BMP6: variants seen among roughly 807,000 people sequenced by gnomAD.
BMP6 encodes the protein bone morphogenetic protein 6.
BMP6 carries 17 observed loss-of-function variants against 54.1 expected under a neutral mutation model. The observed-to-expected ratio is 0.31, with a 90% confidence interval of 0.22 to 0.47. The LOEUF (loss-of-function observed/expected upper bound fraction) is 0.47, where lower values mean the gene tolerates loss of function less well. Among genes scored for constraint, BMP6 ranks in the 20% least tolerant of loss-of-function variants. The pLI is 1.00. For missense variants in BMP6, 720 were observed against 690.4 expected (o/e 1.04, Z -0.48); for synonymous variants, 328 against 291.2 (o/e 1.13, Z -1.28).
chr6:7,859,736 A>T (rs1321572431), intron 2 of BMP6, among the ~76,000 whole-genome samples: 2 of 152,114 alleles, frequency 1.3e-5, no homozygotes, highest in Admixed American at 1.3e-4. Flanking sequence ...GTAATTTGTC[A>T]ACAGGGGATG....
chr6:7,738,993 G>T (rs538486074), intron 1 of BMP6, among the ~76,000 whole-genome samples: 3 of 152,298 alleles, frequency 2.0e-5, no homozygotes, highest in Admixed American at 2.0e-4. Context: ...CTCATGGCTT[G>T]TTTTCTTGGA....
At chr6:7,813,666 A>AAC (rs1758476808) in intron 1 of BMP6, among the ~76,000 whole-genome samples, 1 of 109,960 alleles carries the variant, frequency 9.1e-6, no homozygotes, top group African/African-American at 3.3e-5. Context: ...AAAAAAAAAA[A>AAC]AAACCCACCA....
At chr6:7,847,362 T>C (rs1581275125) in intron 2 of BMP6, among the ~76,000 whole-genome samples, 1 of 152,168 alleles carries the variant, frequency 6.6e-6, no homozygotes, top group East Asian at 1.9e-4. Context: ...TCTTTTCTTA[T>C]CTGTGGGCCA....
intron 4 of BMP6, among the ~76,000 whole-genome samples, chr6:7,874,367 C>T (rs1159802635): frequency 2.6e-5 from 4 of 152,212 alleles, no homozygotes; most frequent in African/African-American, 7.2e-5. Flanking sequence ...TCCTCAGGGC[C>T]TTCACATTGT....
intron 1 of BMP6, among the ~76,000 whole-genome samples, chr6:7,767,890 G>A (rs1446581878): frequency 1.3e-5 from 2 of 152,170 alleles, no homozygotes; most frequent in Non-Finnish European, 2.9e-5. Flanking sequence ...GTAAGGTGTT[G>A]TGGAGGGGAA....
intron 1 of BMP6, among the ~76,000 whole-genome samples, chr6:7,837,434 T>A (rs1249416742): frequency 3.3e-5 from 5 of 152,176 alleles, no homozygotes; most frequent in Admixed American, 6.5e-5. Context: ...CAACCATAGA[T>A]AGAGCAGAGA....
intron 1 of BMP6, among the ~76,000 whole-genome samples, chr6:7,730,741 G>T (rs1761839875): frequency 6.6e-6 from 1 of 152,182 alleles, no homozygotes; most frequent in Non-Finnish European, 1.5e-5. Context: ...GGATACTAGA[G>T]AATTACAGAT....
chr6:7,826,290 C>G (rs1179460379), intron 1 of BMP6, among the ~76,000 whole-genome samples: 1 of 152,200 alleles, frequency 6.6e-6, no homozygotes, highest in African/African-American at 2.4e-5. Context: ...TTCACGTTCA[C>G]TTTCTCCTGT....
At chr6:7,870,789 C>T (rs769585246) in intron 4 of BMP6, among the ~76,000 whole-genome samples, 17 of 152,210 alleles carry the variant, frequency 1.1e-4, no homozygotes, top group Non-Finnish European at 1.9e-4. Flanking sequence ...CATCATGCCC[C>T]TCTAATTTTT....
At chr6:7,858,122 G>T (rs189641908) in intron 2 of BMP6, among the ~76,000 whole-genome samples, 5 of 152,090 alleles carry the variant, frequency 3.3e-5, no homozygotes, top group Non-Finnish European at 5.9e-5. Context: ...TCACTCTGTC[G>T]TCCAGGCTGG....
intron 1 of BMP6, among the ~76,000 whole-genome samples, chr6:7,807,165 AC>A: frequency 6.6e-6 from 1 of 152,320 alleles, no homozygotes; most frequent in South Asian, 2.1e-4. Flanking sequence ...ATGGTGCCCC[AC>A]AGGAATCTTA....
intron 1 of BMP6, among the ~76,000 whole-genome samples, chr6:7,747,012 C>T (rs1156479149): frequency 6.6e-6 from 1 of 152,206 alleles, no homozygotes; most frequent in African/African-American, 2.4e-5. Context: ...AAACCGGTGA[C>T]ACACTCTCCT....
chr6:7,853,530 A>T (rs984494210), intron 2 of BMP6, among the ~76,000 whole-genome samples: 1 of 152,210 alleles, frequency 6.6e-6, no homozygotes, highest in Non-Finnish European at 1.5e-5. Context: ...CCCTTTTTAG[A>T]TACCTGAGAC....
At chr6:7,798,770 A>G (rs1561775282) in intron 1 of BMP6, among the ~76,000 whole-genome samples, 3 of 152,224 alleles carry the variant, frequency 2.0e-5, no homozygotes, top group Admixed American at 2.0e-4. Flanking sequence ...CACATGTAGC[A>G]TAAGGAAAAT....
At chr6:7,871,419 G>A (rs913067520) in intron 4 of BMP6, among the ~76,000 whole-genome samples, 2 of 152,238 alleles carry the variant, frequency 1.3e-5, no homozygotes, top group Non-Finnish European at 2.9e-5. Context: ...GCAGGCCAGG[G>A]AGTTACCTTC....
intron 1 of BMP6, among the ~76,000 whole-genome samples, chr6:7,811,483 T>C (rs572027378): frequency 1.3e-5 from 2 of 152,280 alleles, no homozygotes; most frequent in East Asian, 3.9e-4. Context: ...GCTATGGGGT[T>C]GAGCCCCAGT....
At position 7,862,489 on chromosome 6, in the gene BMP6, A is replaced by G. The variant is rs2113278213; in HGVS notation, c.1195A>G (p.Ser399Gly). Reference protein sequence around the residue: ...TQSQDVARVSSASDYNSSELK... With the variant: ...TQSQDVARVSGASDYNSSELK... ...GTCCCAGGACGTGGCGCGGGTCTCC[A>G]GTGCTTCAGGTGGGTTTGTGGGGAG... Residue 399 changes from serine (S) to glycine (G), a missense_variant, in exon 4 of 7, where the codon AGT becomes GGT. Coordinates refer to ENST00000283147, the MANE Select transcript of BMP6 (RefSeq NM_001718.6). The G allele has an allele frequency of 6.2e-7, 1 of 1,613,992 alleles. No individual in the cohort carries two copies. Among genetic ancestry groups the G allele is most frequent in the South Asian group, 1.1e-5 (1 of 91,074 alleles).
At chr6:7,833,385 G>T (rs1205706273) in intron 1 of BMP6, among the ~76,000 whole-genome samples, 4 of 152,284 alleles carry the variant, frequency 2.6e-5, no homozygotes, top group African/African-American at 9.6e-5. Context: ...GATTAATTGG[G>T]CAATTTAGGG....
chr6:7,849,808 G>A (rs184503933), intron 2 of BMP6, among the ~76,000 whole-genome samples: 172 of 152,272 alleles, frequency 1.1e-3, no homozygotes, highest in African/African-American at 3.9e-3. Flanking sequence ...TTGAAATTCC[G>A]TGTTCTGCTC....
Sources: allele counts gnomAD v4.1 joint callset (sites outside exome capture counted in the v4.1 genomes callset), GRCh38; gene constraint gnomAD v4.1.1; transcripts MANE v1.5; gene names NCBI Gene and HGNC (gene_info 2026-07-23, HGNC 2026-07-21).